MARCHF1: variants seen among roughly 807,000 people sequenced by gnomAD.
MARCHF1 encodes the protein membrane associated ring-CH-type finger 1, also known as E3 ubiquitin-protein ligase MARCHF1.
MARCHF1 carries 40 observed loss-of-function variants against 54.2 expected under a neutral mutation model. The ratio of observed to expected loss-of-function variants is 0.74; its 90% CI spans 0.57 to 0.96. The LOEUF (loss-of-function observed/expected upper bound fraction) is 0.96, where lower values mean the gene tolerates loss of function less well. MARCHF1 is among the 40% of genes least tolerant of loss of function. The pLI, the probability that MARCHF1 is intolerant of heterozygous loss-of-function variation, is 0.00. For synonymous variants in MARCHF1, 236 were observed against 236.3 expected (o/e 1.00, Z 0.01); for missense variants, 586 against 656.5 (o/e 0.89, Z 1.17).
At chr4:164,134,725 T>C (rs1220766920) in intron 1 of MARCHF1, among the ~76,000 whole-genome samples, 1 of 152,114 alleles carries the variant, frequency 6.6e-6, no homozygotes, top group Non-Finnish European at 1.5e-5. Context: ...GAGAATTACT[T>C]TTGTCTTTTC....
intron 1 of MARCHF1, among the ~76,000 whole-genome samples, chr4:164,359,495 CCTTA>C (rs1276184122): frequency 6.6e-6 from 1 of 152,120 alleles, no homozygotes. Flanking sequence ...CATCTGAAGT[CCTTA>C]CTTCTGATAC....
chr4:163,600,272 A>T (rs114904847), intron 7 of MARCHF1, among the ~76,000 whole-genome samples: 225 of 152,280 alleles, frequency 1.5e-3, no homozygotes, highest in Non-Finnish European at 2.3e-3. Context: ...TGTTCACCTC[A>T]GATTAGGCTA....
intron 1 of MARCHF1, among the ~76,000 whole-genome samples, chr4:164,351,216 G>C (rs1168367964): frequency 6.7e-6 from 1 of 150,326 alleles, no homozygotes; most frequent in Non-Finnish European, 1.5e-5. Context: ...GGCTTGCTTA[G>C]GTAAACAAAG....
At chr4:163,686,467 G>A (rs1294440477) in intron 5 of MARCHF1, among the ~76,000 whole-genome samples, 1 of 140,148 alleles carries the variant, frequency 7.1e-6, no homozygotes, top group Admixed American at 7.1e-5. Context: ...GTAATTGTGG[G>A]TTTTGCCATT....
intron 5 of MARCHF1, among the ~76,000 whole-genome samples, chr4:163,635,658 C>G (rs549271487): frequency 5.3e-5 from 8 of 150,484 alleles, no homozygotes; most frequent in Admixed American, 4.6e-4. Flanking sequence ...CGAATTCTAC[C>G]AGAGGTACAA....
chr4:163,907,861 T>C (rs1233336172), intron 3 of MARCHF1, among the ~76,000 whole-genome samples: 1 of 152,146 alleles, frequency 6.6e-6, no homozygotes, highest in Non-Finnish European at 1.5e-5. Context: ...CAAGAGTTCC[T>C]GGCACATGAC....
At chr4:164,037,267 T>C (rs187999486) in intron 2 of MARCHF1, among the ~76,000 whole-genome samples, 40 of 152,274 alleles carry the variant, frequency 2.6e-4, no homozygotes, top group Admixed American at 2.4e-3. Context: ...TTTGGAGATG[T>C]TGGCATATAG....
chr4:164,372,255 T>G (rs77614829), intron 1 of MARCHF1, among the ~76,000 whole-genome samples: 31 of 152,300 alleles, frequency 2.0e-4, no homozygotes, highest in African/African-American at 7.5e-4. Context: ...ACATGTCTCT[T>G]TGGGTCTACA....
At chr4:163,538,993 C>T (rs888675389) in intron 9 of MARCHF1, among the ~76,000 whole-genome samples, 6 of 142,750 alleles carry the variant, frequency 4.2e-5, no homozygotes, top group Admixed American at 1.4e-4. Flanking sequence ...TTCGCTCTCT[C>T]CTGATGCTTT....
chr4:163,824,674 A>G (rs1748795081), intron 4 of MARCHF1, among the ~76,000 whole-genome samples: 1 of 85,874 alleles, frequency 1.2e-5, no homozygotes, highest in African/African-American at 3.6e-5. Flanking sequence ...TCTGCACAGC[A>G]AAAGAAACTA....
intron 3 of MARCHF1, among the ~76,000 whole-genome samples, chr4:163,868,314 A>C (rs1046674703): frequency 6.6e-6 from 1 of 151,984 alleles, no homozygotes; most frequent in African/African-American, 2.4e-5. Context: ...TGAAAAATAC[A>C]TAAGAATACT....
intron 8 of MARCHF1, among the ~76,000 whole-genome samples, chr4:163,572,334 T>TTA (rs1491171835): frequency 6.8e-6 from 1 of 146,036 alleles, no homozygotes; most frequent in African/African-American, 2.5e-5. Flanking sequence ...TTTTTTTTTT[T>TTA]AAATAAATTG....
At chr4:164,067,964 G>GA (rs1372519397) in intron 2 of MARCHF1, among the ~76,000 whole-genome samples, 4 of 151,892 alleles carry the variant, frequency 2.6e-5, no homozygotes, top group Admixed American at 6.6e-5. Flanking sequence ...AAAAACATAT[G>GA]AAAAAATGCT....
chr4:164,145,629 T>C (rs1729661759), intron 1 of MARCHF1, among the ~76,000 whole-genome samples: 1 of 152,148 alleles, frequency 6.6e-6, no homozygotes, highest in Admixed American at 6.5e-5. Flanking sequence ...ACAACCTTCA[T>C]GCCAAAAACT....
chr4:164,240,643 G>C (rs1443841303), intron 1 of MARCHF1, among the ~76,000 whole-genome samples: 5 of 152,040 alleles, frequency 3.3e-5, no homozygotes, highest in African/African-American at 1.2e-4. Context: ...AATTGTAACA[G>C]TGAGAGAATT....
chr4:163,582,328 A>G (rs893142184), intron 8 of MARCHF1, among the ~76,000 whole-genome samples: 3 of 152,146 alleles, frequency 2.0e-5, no homozygotes, highest in African/African-American at 7.2e-5. Flanking sequence ...GATGATGAAA[A>G]TTGCTTTTCC....
intron 3 of MARCHF1, among the ~76,000 whole-genome samples, chr4:163,916,484 G>T (rs56933632): frequency 0.077 from 11,674 of 151,830 alleles, 971 homozygotes; most frequent in African/African-American, 0.2. Flanking sequence ...CAAGTAGAAA[G>T]GATTAAGAGA....
intron 2 of MARCHF1, among the ~76,000 whole-genome samples, chr4:164,031,270 A>G (rs894438977): frequency 6.6e-6 from 1 of 151,994 alleles, no homozygotes; most frequent in African/African-American, 2.4e-5. Context: ...TTTCTAGTTT[A>G]TTTGCATAGT....
intron 4 of MARCHF1, among the ~76,000 whole-genome samples, chr4:163,769,062 A>C (rs1001768425): frequency 6.6e-6 from 1 of 152,184 alleles, no homozygotes; most frequent in Admixed American, 6.5e-5. Flanking sequence ...TATTGTAGAG[A>C]GAGGTCTCTG....
Sources: gnomAD v4.1 joint callset for allele counts (sites outside exome capture counted in the v4.1 genomes callset) on GRCh38, gnomAD v4.1.1 for gene constraint, MANE v1.5 for transcripts, NCBI Gene and HGNC (gene_info 2026-07-23, HGNC 2026-07-21) for gene names.